Variants in SGPP2 observed in about 807,000 individuals in gnomAD.
SGPP2 encodes the protein sphingosine 1-phosphate phosphohydrolase 2.
A neutral mutation model predicts 33.9 loss-of-function variants in SGPP2; 30 were observed. That is an observed-to-expected ratio of 0.89 (90% CI 0.66 to 1.20). SGPP2 has a LOEUF of 1.20. SGPP2 is among the 50% of genes most tolerant of loss of function. The pLI, the probability that SGPP2 is intolerant of heterozygous loss-of-function variation, is 0.00. For synonymous variants in SGPP2, 233 were observed against 225.0 expected (o/e 1.04, Z -0.32); for missense variants, 458 against 532.1 (o/e 0.86, Z 1.37).
At chr2:222,431,281 G>A (rs1697151441) in intron 1 of SGPP2, among the ~76,000 whole-genome samples, 1 of 152,036 alleles carries the variant, frequency 6.6e-6, no homozygotes, top group South Asian at 2.1e-4. Flanking sequence ...AAGGAAGTCG[G>A]ATCACTTGAA....
intron 2 of SGPP2, among the ~76,000 whole-genome samples, chr2:222,508,507 C>T (rs80337934): frequency 3.3e-5 from 5 of 152,164 alleles, no homozygotes; most frequent in Admixed American, 3.3e-4. Context: ...ACACTAAAAA[C>T]AATCATTGCA....
At chr2:222,544,874 T>G (rs1346190184) in intron 4 of SGPP2, among the ~76,000 whole-genome samples, 3 of 152,138 alleles carry the variant, frequency 2.0e-5, no homozygotes, top group Non-Finnish European at 4.4e-5. Flanking sequence ...GGGGTGTTAG[T>G]TATGGACAAG....
Position 222,472,968 on chromosome 2 carries a change from A to C in SGPP2, c.220-1600A>C, listed in dbSNP as rs531192004. Among the ~76,000 whole-genome samples, 189 of 152,228 alleles carry C rather than the reference A, an allele frequency of 1.2e-3. 1 individual carries two copies. The highest frequency in any genetic ancestry group is 4.3e-3 in the African/African-American group (179 of 41,548). ...GGCAGAGGTTGCAGTGAGCCAAGATAGTGCCATTGCACTCCAGCCTGGGTG... is the reference window on the plus strand; with the variant it reads ...GGCAGAGGTTGCAGTGAGCCAAGATCGTGCCATTGCACTCCAGCCTGGGTG... On this transcript the variant is annotated intron_variant, in intron 1 of 4. Coordinates refer to ENST00000321276, the MANE Select transcript of SGPP2 (RefSeq NM_152386.4).
intron 1 of SGPP2, among the ~76,000 whole-genome samples, chr2:222,464,708 C>G (rs1697719089): frequency 6.6e-6 from 1 of 152,166 alleles, no homozygotes; most frequent in African/African-American, 2.4e-5. Context: ...TTCTCAGACT[C>G]CTGGCCTCAA....
intron 2 of SGPP2, chr2:222,504,079 G>A (rs1448924496): frequency 1.3e-5 from 2 of 152,164 alleles, no homozygotes; most frequent in Non-Finnish European, 2.9e-5. Flanking sequence ...GGCCCTTGAT[G>A]CTTGCTTCAT....
chr2:222,496,151 T>TAATA (rs1414152062), intron 2 of SGPP2, among the ~76,000 whole-genome samples: 1 of 152,226 alleles, frequency 6.6e-6, no homozygotes, highest in Non-Finnish European at 1.5e-5. Flanking sequence ...TTGACAAAGA[T>TAATA]AATAAATAAA....
intron 4 of SGPP2, among the ~76,000 whole-genome samples, chr2:222,545,177 G>GGT (rs1288373338): frequency 6.6e-6 from 1 of 151,796 alleles, no homozygotes; most frequent in East Asian, 1.9e-4. Flanking sequence ...CATTTATTAT[G>GGT]ATTTCTTTCT....
chr2:222,538,359 CAGAG>C (rs1369618856), intron 4 of SGPP2, among the ~76,000 whole-genome samples: 11 of 151,932 alleles, frequency 7.2e-5, no homozygotes, highest in African/African-American at 2.7e-4. Context: ...GGAAGAGAGA[CAGAG>C]AGAGATTTCT....
chr2:222,493,677 C>T (rs948534046), intron 2 of SGPP2, among the ~76,000 whole-genome samples: 3 of 152,326 alleles, frequency 2.0e-5, no homozygotes, highest in Non-Finnish European at 4.4e-5. Flanking sequence ...TTTTGTAAAG[C>T]ATTAATATCT....
At chr2:222,504,219 G>A (rs1307244284) in intron 2 of SGPP2, 2 of 152,252 alleles carry the variant, frequency 1.3e-5, no homozygotes, top group Non-Finnish European at 1.5e-5. Flanking sequence ...CTCAGGGGTT[G>A]TCTTGCACAC....
intron 2 of SGPP2, among the ~76,000 whole-genome samples, chr2:222,479,368 T>C (rs1270179840): frequency 6.6e-6 from 1 of 150,964 alleles, no homozygotes; most frequent in Non-Finnish European, 1.5e-5. Context: ...ATTAACCCTG[T>C]GCTCTGCTTG....
chr2:222,548,119 T>A (rs988370472), intron 4 of SGPP2, among the ~76,000 whole-genome samples: 1 of 152,216 alleles, frequency 6.6e-6, no homozygotes, highest in Non-Finnish European at 1.5e-5. Context: ...TTCAACCAGA[T>A]AAAAATCTAC....
chr2:222,443,742 C>A lies in SGPP2; in HGVS notation c.219+18921C>A, dbSNP rs190674363. On this transcript the variant is annotated intron_variant, in intron 1 of 4. Transcript: ENST00000321276. ...CTTGGCTATAGTGAGCCTTTCAGGG[C>A]CTCACATGGCCCCTCACAGAGGTCT... is the stretch of plus-strand genomic sequence containing the variant. 3.2e-3 allele frequency among the ~76,000 whole-genome samples: 486 copies of A among 152,206 alleles called. 3 individuals carry two copies. The highest frequency in any genetic ancestry group is 3.4e-3 in the Middle Eastern group (1 of 294).
At chr2:222,482,618 A>G (rs892528014) in intron 2 of SGPP2, among the ~76,000 whole-genome samples, 2 of 152,134 alleles carry the variant, frequency 1.3e-5, no homozygotes, top group African/African-American at 2.4e-5. Flanking sequence ...ACCTCAAGCA[A>G]TCCTTCCACC....
chr2:222,490,215 A>T (rs1191700438), intron 2 of SGPP2, among the ~76,000 whole-genome samples: 16 of 152,140 alleles, frequency 1.1e-4, no homozygotes, highest in Non-Finnish European at 2.2e-4. Context: ...CACCTTTAAG[A>T]TTAAAATATA....
intron 1 of SGPP2, among the ~76,000 whole-genome samples, chr2:222,430,673 T>C (rs1000799327): frequency 6.6e-6 from 1 of 152,098 alleles, no homozygotes. Flanking sequence ...AAAAGTGCGA[T>C]ATAGAAAGAG....
intron 1 of SGPP2, among the ~76,000 whole-genome samples, chr2:222,437,203 A>G (rs899631130): frequency 1.3e-5 from 2 of 152,062 alleles, no homozygotes; most frequent in Non-Finnish European, 2.9e-5. Flanking sequence ...TTTGTCACCA[A>G]TTTTCCAATC....
chr2:222,491,745 C>A (rs1698200457), intron 2 of SGPP2, among the ~76,000 whole-genome samples: 1 of 152,104 alleles, frequency 6.6e-6, no homozygotes, highest in Non-Finnish European at 1.5e-5. Context: ...TCTTGCCTTC[C>A]CAACAGTCCC....
At chr2:222,426,090 G>C (rs1412042175) in intron 1 of SGPP2, among the ~76,000 whole-genome samples, 2 of 151,076 alleles carry the variant, frequency 1.3e-5, no homozygotes, top group Non-Finnish European at 2.9e-5. Flanking sequence ...GTGGTGGTGC[G>C]GCCTGTAGTT....
Sources: allele counts gnomAD v4.1 joint callset (sites outside exome capture counted in the v4.1 genomes callset), GRCh38; gene constraint gnomAD v4.1.1; transcripts MANE v1.5; gene names NCBI Gene and HGNC (gene_info 2026-07-23, HGNC 2026-07-21).